Variants in PTPRD observed in about 807,000 individuals in gnomAD.
PTPRD encodes protein tyrosine phosphatase receptor type D.
PTPRD carries 34 observed loss-of-function variants against 214.5 expected under a neutral mutation model. The ratio of observed to expected loss-of-function variants is 0.16; its 90% confidence interval spans 0.12 to 0.21. PTPRD has a LOEUF of 0.21. Ranked by LOEUF, PTPRD falls within the 10% of genes least tolerant of loss-of-function variation. The pLI is 1.00. For missense variants in PTPRD, 2,545 were observed against 2,398.7 expected, an observed-to-expected ratio of 1.06 and a Z score of -1.27; for synonymous variants, 1,128 against 845.7, an observed-to-expected ratio of 1.33 and a Z score of -5.79.
At chr9:9,076,771 T>C (rs542512856) in intron 10 of PTPRD, among the ~76,000 whole-genome samples, 1 of 150,472 alleles carries the variant, frequency 6.6e-6, no homozygotes, top group South Asian at 2.1e-4. Flanking sequence ...AGTGCAGATA[T>C]CTCTTCAATA....
At chr9:10,012,353 A>T (rs1409059629) in intron 4 of PTPRD, among the ~76,000 whole-genome samples, 3 of 151,834 alleles carry the variant, frequency 2.0e-5, no homozygotes. Flanking sequence ...AAAAGTGGAA[A>T]AGCAGATGGA....
intron 32 of PTPRD, among the ~76,000 whole-genome samples, chr9:8,462,364 T>G (rs1232382076): frequency 1.3e-5 from 2 of 152,022 alleles, no homozygotes; most frequent in African/African-American, 4.8e-5. Context: ...CCCTTACTTA[T>G]GTGCTCCTAA....
intron 8 of PTPRD, among the ~76,000 whole-genome samples, chr9:9,403,017 C>T (rs1387741243): frequency 6.8e-5 from 10 of 146,098 alleles, no homozygotes; most frequent in East Asian, 4.0e-4. Flanking sequence ...GTGCCAGGCG[C>T]GGTGTCTCCT....
intron 8 of PTPRD, among the ~76,000 whole-genome samples, chr9:9,439,807 T>A (rs2086802890): frequency 6.6e-6 from 1 of 152,190 alleles, no homozygotes; most frequent in African/African-American, 2.4e-5. Flanking sequence ...ATTTTATCAA[T>A]CCAGTAATTC....
At chr9:9,338,966 G>A (rs755521365) in intron 9 of PTPRD, among the ~76,000 whole-genome samples, 8 of 151,994 alleles carry the variant, frequency 5.3e-5, no homozygotes, top group Non-Finnish European at 1.0e-4. Flanking sequence ...GAGAAAAATC[G>A]CAAGATTCCT....
intron 35 of PTPRD, among the ~76,000 whole-genome samples, chr9:8,405,932 C>T (rs997118794): frequency 1.3e-5 from 2 of 151,828 alleles, no homozygotes; most frequent in Admixed American, 1.3e-4. Flanking sequence ...CAGTAAAACT[C>T]ACAAGTGTCA....
intron 10 of PTPRD, among the ~76,000 whole-genome samples, chr9:9,173,497 A>G (rs2099922737): frequency 6.6e-6 from 1 of 152,096 alleles, no homozygotes; most frequent in African/African-American, 2.4e-5. Context: ...ACAAAAACTT[A>G]CTAATTATAG....
intron 11 of PTPRD, among the ~76,000 whole-genome samples, chr9:8,820,057 CTGTT>C (rs536173775): frequency 5.9e-5 from 9 of 152,280 alleles, no homozygotes; most frequent in African/African-American, 2.2e-4. Context: ...ATTTCATTCT[CTGTT>C]TGTAAGAGCA....
At chr9:9,035,053 T>C (rs1030095655) in intron 10 of PTPRD, among the ~76,000 whole-genome samples, 1 of 152,092 alleles carries the variant, frequency 6.6e-6, no homozygotes, top group Non-Finnish European at 1.5e-5. Context: ...GATTCCTAGA[T>C]GGTGAGCTTT....
At chr9:10,559,066 GA>G (rs2063262665) in intron 2 of PTPRD, among the ~76,000 whole-genome samples, 1 of 152,108 alleles carries the variant, frequency 6.6e-6, no homozygotes, top group South Asian at 2.1e-4. Context: ...TCAACTTCAT[GA>G]GAGTAAAAAC....
intron 7 of PTPRD, among the ~76,000 whole-genome samples, chr9:9,668,053 A>G (rs142136415): frequency 2.6e-5 from 4 of 152,292 alleles, no homozygotes; most frequent in Admixed American, 1.3e-4. Context: ...AGCTAAAATC[A>G]TAGATTGCCC....
At chr9:10,020,289 A>C (rs915712304) in intron 4 of PTPRD, among the ~76,000 whole-genome samples, 4 of 152,156 alleles carry the variant, frequency 2.6e-5, no homozygotes, top group African/African-American at 9.7e-5. Context: ...ATATCAATAC[A>C]ATATTAGTTT....
chr9:8,892,093 G>T (rs140035154), intron 11 of PTPRD, among the ~76,000 whole-genome samples: 2 of 152,212 alleles, frequency 1.3e-5, no homozygotes, highest in African/African-American at 4.8e-5. Flanking sequence ...GAAAGAAACA[G>T]AATTCCACTC....
chr9:9,165,907 A>T lies in PTPRD; in HGVS notation c.-143+17397T>A, dbSNP rs143035697. The stretch of plus-strand genomic sequence containing the variant: ...TACAAATTATAAAATGTAATAATAA[A>T]ACAACCAACTATAATCACAAACCAG... On this transcript the variant is annotated intron_variant, in intron 10 of 45. Coordinates refer to ENST00000381196, the MANE Select transcript of PTPRD (RefSeq NM_002839.4). 7.1e-4 allele frequency among the ~76,000 whole-genome samples: 108 copies of T among 152,310 alleles called. 2 individuals carry two copies. In the East Asian group the frequency reaches 0.02, roughly 28 times the overall value.
chr9:10,008,442 G>A (rs1302869309), intron 4 of PTPRD, among the ~76,000 whole-genome samples: 2 of 151,912 alleles, frequency 1.3e-5, no homozygotes, highest in Non-Finnish European at 2.9e-5. Flanking sequence ...TTCACATTTT[G>A]ACATATAGAG....
At chr9:9,093,633 T>A (rs1475614038) in intron 10 of PTPRD, among the ~76,000 whole-genome samples, 1 of 151,036 alleles carries the variant, frequency 6.6e-6, no homozygotes, top group African/African-American at 2.4e-5. Context: ...ATTTTTAATT[T>A]TATAAAATTA....
chr9:9,286,636 C>T (rs1386730689), intron 9 of PTPRD, among the ~76,000 whole-genome samples: 1 of 151,098 alleles, frequency 6.6e-6, no homozygotes, highest in East Asian at 2.0e-4. Context: ...TTCCTGATGC[C>T]CCCAAACCTA....
chr9:8,749,323 G>A (rs901090985), intron 11 of PTPRD, among the ~76,000 whole-genome samples: 1 of 152,126 alleles, frequency 6.6e-6, no homozygotes, highest in African/African-American at 2.4e-5. Context: ...GAGCAGCTGG[G>A]ATTACAGGCA....
chr9:9,051,315 C>T lies in PTPRD; in HGVS notation c.-142-32580G>A, dbSNP rs180806958. The stretch of plus-strand genomic sequence containing the variant: ...CTGAAGGTGGTTATTTAAAGTAGGC[C>T]CATTTTATTAAATGTGATACTTTCA... On this transcript the variant is annotated intron_variant, in intron 10 of 45. Coordinates refer to ENST00000381196, the MANE Select transcript of PTPRD (RefSeq NM_002839.4). Among the ~76,000 whole-genome samples, 234 of 152,018 alleles carry T rather than the reference C, an allele frequency of 1.5e-3. 1 individual carries two copies. Among genetic ancestry groups the T allele is most frequent in the African/African-American group, 5.0e-3 (206 of 41,480 alleles).
Sources: allele counts gnomAD v4.1 joint callset (sites outside exome capture counted in the v4.1 genomes callset), GRCh38; gene constraint gnomAD v4.1.1; transcripts MANE v1.5; gene names NCBI Gene and HGNC (gene_info 2026-07-23, HGNC 2026-07-21).